The following PCED1B variants were observed in gnomAD, a reference collection of about 807,000 sequenced individuals.
The protein encoded by PCED1B is PC-esterase domain-containing protein 1B.
For missense variants in PCED1B, 573 were observed against 573.9 expected, an observed-to-expected ratio of 1.00 and a Z score of 0.02; for synonymous variants, 251 against 246.1, an observed-to-expected ratio of 1.02 and a Z score of -0.19.
At chr12:47,176,479 C>T (rs905853922) in intron 2 of PCED1B, among the ~76,000 whole-genome samples, 1 of 152,196 alleles carries the variant, frequency 6.6e-6, no homozygotes, top group South Asian at 2.1e-4. Flanking sequence ...CAGAGACCTT[C>T]GGGTTGCTGA....
chr12:47,122,121 T>C (rs1228319671), intron 2 of PCED1B, among the ~76,000 whole-genome samples: 1 of 152,040 alleles, frequency 6.6e-6, no homozygotes, highest in Admixed American at 6.6e-5. Flanking sequence ...ATAAAAAACA[T>C]TAATTGAAAT....
At chr12:47,174,045 C>T (rs533586441) in intron 2 of PCED1B, among the ~76,000 whole-genome samples, 1 of 151,382 alleles carries the variant, frequency 6.6e-6, no homozygotes, top group Admixed American at 6.6e-5. Flanking sequence ...TTTGGAAAGC[C>T]GAGGCAGGCC....
Position 47,161,661 on chromosome 12 carries a change from G to C in PCED1B, c.-525-54561G>C, listed in dbSNP as rs998179945. ...GAAATAGGAACACTTTTACACCATT[G>C]GTGGGACTATAAGCTAGTTCAACCA... On this transcript the variant is annotated intron_variant, in intron 2 of 3. Transcript: ENST00000546455. 2.6e-5 allele frequency among the ~76,000 whole-genome samples: 4 copies of C among 152,178 alleles called. No homozygotes were observed. In the East Asian group the frequency reaches 7.7e-4, roughly 29 times the overall value.
intron 2 of PCED1B, among the ~76,000 whole-genome samples, chr12:47,133,034 A>G (rs1353628844): frequency 6.6e-6 from 1 of 152,242 alleles, no homozygotes; most frequent in African/African-American, 2.4e-5. Context: ...AATACAATAT[A>G]TAAGATAATT....
At chr12:47,182,179 G>C (rs909098457) in intron 2 of PCED1B, among the ~76,000 whole-genome samples, 3 of 152,192 alleles carry the variant, frequency 2.0e-5, no homozygotes, top group Non-Finnish European at 2.9e-5. Flanking sequence ...TAGTGAGGGG[G>C]TGCTAGAGGA....
At chr12:47,177,773 G>T (rs530961406) in intron 2 of PCED1B, among the ~76,000 whole-genome samples, 1 of 152,124 alleles carries the variant, frequency 6.6e-6, no homozygotes. Context: ...GGCCAACATG[G>T]TGAAACCCTG....
chr12:47,147,014 T>TTTTC (rs1399087342), intron 2 of PCED1B, among the ~76,000 whole-genome samples: 1 of 148,062 alleles, frequency 6.8e-6, no homozygotes, highest in Non-Finnish European at 1.5e-5. Flanking sequence ...TTTTTTTTTT[T>TTTTC]TTTTGAGATG....
intron 1 of PCED1B, among the ~76,000 whole-genome samples, chr12:47,098,468 C>T (rs1298641137): frequency 6.6e-6 from 1 of 152,092 alleles, no homozygotes; most frequent in Admixed American, 6.6e-5. Flanking sequence ...GAATTAATAA[C>T]AATATTATTT....
At chr12:47,173,466 A>G (rs1941817551) in intron 2 of PCED1B, among the ~76,000 whole-genome samples, 1 of 152,046 alleles carries the variant, frequency 6.6e-6, no homozygotes, top group African/African-American at 2.4e-5. Context: ...GTTAGTCAGG[A>G]TGGTCTCGAT....
chr12:47,080,220 C>G (rs945660155), intron 1 of PCED1B, among the ~76,000 whole-genome samples: 10 of 152,066 alleles, frequency 6.6e-5, no homozygotes, highest in African/African-American at 2.2e-4. Context: ...TACGTCCCTT[C>G]GTCCAGCTCC....
chr12:47,233,381 A>G (rs214699), intron 3 of PCED1B, among the ~76,000 whole-genome samples: 100,049 of 151,604 alleles, frequency 0.66, 33,238 homozygotes, highest in African/African-American at 0.74. Context: ...CTCGTGATCC[A>G]CCCGCCTTGG....
chr12:47,188,405 T>C (rs1045350203), intron 2 of PCED1B, among the ~76,000 whole-genome samples: 3 of 152,188 alleles, frequency 2.0e-5, no homozygotes, highest in East Asian at 3.8e-4. Context: ...TGGAGAAGCA[T>C]GGAATATACT....
intron 2 of PCED1B, among the ~76,000 whole-genome samples, chr12:47,192,169 T>TG (rs1412287092): frequency 6.6e-6 from 1 of 151,126 alleles, no homozygotes; most frequent in Non-Finnish European, 1.5e-5. Context: ...CGCTTTTTTT[T>TG]TTTGTTTTTT....
At chr12:47,200,930 T>G (rs1942744541) in intron 2 of PCED1B, among the ~76,000 whole-genome samples, 1 of 152,194 alleles carries the variant, frequency 6.6e-6, no homozygotes, top group Non-Finnish European at 1.5e-5. Context: ...ATATAGACAT[T>G]TGTTTGAAGT....
intron 1 of PCED1B, 46 bp from the exon 2 acceptor site, chr12:47,104,067 G>A (rs1938837762): frequency 6.6e-6 from 1 of 152,124 alleles, no homozygotes; most frequent in Admixed American, 6.5e-5. Context: ...CCCTCATTAG[G>A]GGTGATGGAA....
At chr12:47,085,390 T>C (rs1937931159) in intron 1 of PCED1B, among the ~76,000 whole-genome samples, 1 of 152,220 alleles carries the variant, frequency 6.6e-6, no homozygotes. Context: ...TCAGTCCCAT[T>C]GCTACTTCAG....
intron 2 of PCED1B, among the ~76,000 whole-genome samples, chr12:47,176,264 G>T (rs1470298902): frequency 6.6e-6 from 1 of 152,152 alleles, no homozygotes. Context: ...GGTGCTAGGT[G>T]CATCTTTGTT....
intron 2 of PCED1B, among the ~76,000 whole-genome samples, chr12:47,170,948 A>G (rs1015821307): frequency 6.6e-6 from 1 of 151,936 alleles, no homozygotes; most frequent in Non-Finnish European, 1.5e-5. Flanking sequence ...TTTCTGGACT[A>G]TCATATGAAA....
chr12:47,112,249 A>G (rs1042209002), intron 2 of PCED1B, among the ~76,000 whole-genome samples: 3 of 152,250 alleles, frequency 2.0e-5, no homozygotes, highest in Non-Finnish European at 4.4e-5. Context: ...TCTATTATCC[A>G]AGGGAAACTT....
Sources: gnomAD v4.1 joint callset for allele counts (sites outside exome capture counted in the v4.1 genomes callset) on GRCh38, gnomAD v4.1.1 for gene constraint, MANE v1.5 for transcripts, NCBI Gene and HGNC (gene_info 2026-07-23, HGNC 2026-07-21) for gene names.